The following CLSTN2 variants were observed in gnomAD, a reference collection of about 807,000 sequenced individuals.
CLSTN2 encodes the protein calsyntenin-2.
A neutral mutation model predicts 101.2 loss-of-function variants in CLSTN2; 48 were observed. The observed-to-expected ratio is 0.47, with a 90% CI of 0.38 to 0.60. The LOEUF (loss-of-function observed/expected upper bound fraction) is 0.60, where lower values mean the gene tolerates loss of function less well. CLSTN2 is among the 20% of genes least tolerant of loss of function. The probability of loss-of-function intolerance (pLI) is 0.00; values close to 1 mark genes in which losing one functional copy is unlikely to be tolerated. For synonymous variants in CLSTN2, 481 were observed against 463.6 expected (o/e 1.04, Z -0.48); for missense variants, 1,160 against 1,238.2 (o/e 0.94, Z 0.95).
chr3:140,445,071 C>T lies in CLSTN2; in HGVS notation c.788-3448C>T, dbSNP rs115283650. On this transcript the variant is annotated intron_variant, in intron 5 of 16. Transcript: ENST00000458420. The stretch of plus-strand genomic sequence containing the variant: ...CTATATGGTTGCAATTTTGCCTGCT[C>T]CTCATAAACCCTCAAAAACAAGCCT... Among the ~76,000 whole-genome samples the T allele has an allele frequency of 5.7e-3, 862 of 152,276 alleles. 7 individuals carry two copies. Among genetic ancestry groups the T allele is most frequent in the African/African-American group, 0.02 (826 of 41,564 alleles).
intron 1 of CLSTN2, among the ~76,000 whole-genome samples, chr3:140,171,791 A>AATATATATAATATTTATTATATAAT (rs34903884): frequency 9.4e-6 from 1 of 106,156 alleles, no homozygotes; most frequent in African/African-American, 3.9e-5. Flanking sequence ...TATAATATAT[A>AATATATATAATATTTATTATATAAT]ATATATAATA....
chr3:140,394,093 G>A (rs1338763303), intron 2 of CLSTN2, among the ~76,000 whole-genome samples: 1 of 152,100 alleles, frequency 6.6e-6, no homozygotes, highest in Admixed American at 6.5e-5. Flanking sequence ...CCTTTGTGCT[G>A]GCTTGCTCAT....
chr3:140,090,000 T>TA (rs1560091374), intron 1 of CLSTN2, among the ~76,000 whole-genome samples: 4 of 113,854 alleles, frequency 3.5e-5, no homozygotes, highest in African/African-American at 1.2e-4. Flanking sequence ...TTTTTTTTTT[T>TA]AACAGACTGA....
chr3:140,185,370 A>G (rs1446347812), intron 2 of CLSTN2, among the ~76,000 whole-genome samples: 2 of 152,176 alleles, frequency 1.3e-5, no homozygotes, highest in Non-Finnish European at 2.9e-5. Context: ...CTTTTTTTCT[A>G]TTGGAAGAAC....
intron 2 of CLSTN2, among the ~76,000 whole-genome samples, chr3:140,396,456 C>G (rs1305283872): frequency 6.6e-6 from 1 of 152,068 alleles, no homozygotes; most frequent in Non-Finnish European, 1.5e-5. Flanking sequence ...GACTTTTCTT[C>G]AATATAATAA....
chr3:140,459,969 A>G (rs1478933346), intron 7 of CLSTN2, among the ~76,000 whole-genome samples, 200 bp downstream of exon 7: 1 of 152,166 alleles, frequency 6.6e-6, no homozygotes, highest in Non-Finnish European at 1.5e-5. Flanking sequence ...GCAGGAGCAG[A>G]AAAGTGGGGA....
At chr3:140,288,473 T>C (rs2086918857) in intron 2 of CLSTN2, among the ~76,000 whole-genome samples, 1 of 152,108 alleles carries the variant, frequency 6.6e-6, no homozygotes, top group African/African-American at 2.4e-5. Flanking sequence ...CCCAGGTGTT[T>C]TAGAAAGAGT....
intron 1 of CLSTN2, among the ~76,000 whole-genome samples, chr3:140,037,525 T>C (rs978581402): frequency 2.6e-5 from 4 of 152,034 alleles, no homozygotes; most frequent in African/African-American, 2.4e-5. Context: ...TCTTTCTTTC[T>C]TTTTTCTTAT....
chr3:140,417,802 A>G (rs1384344363), intron 4 of CLSTN2, among the ~76,000 whole-genome samples: 1 of 152,262 alleles, frequency 6.6e-6, no homozygotes, highest in African/African-American at 2.4e-5. Flanking sequence ...TTATTGAAAT[A>G]TGACCTTCTC....
At chr3:140,362,992 G>A (rs574092814) in intron 2 of CLSTN2, among the ~76,000 whole-genome samples, 1 of 151,682 alleles carries the variant, frequency 6.6e-6, no homozygotes, top group Non-Finnish European at 1.5e-5. Context: ...ATCATCTAAG[G>A]ATATGAAAAA....
intron 1 of CLSTN2, among the ~76,000 whole-genome samples, chr3:140,167,620 G>A (rs1368338508): frequency 6.6e-6 from 1 of 152,156 alleles, no homozygotes; most frequent in Non-Finnish European, 1.5e-5. Flanking sequence ...AAACGCACAC[G>A]TGCAGAAGTG....
chr3:140,380,698 C>T (rs1479861), intron 2 of CLSTN2, among the ~76,000 whole-genome samples: 142,369 of 152,116 alleles, frequency 0.94, 67,335 homozygotes, highest in East Asian at 1. Flanking sequence ...TAACTCCTCA[C>T]TCATTCAGTA....
intron 2 of CLSTN2, among the ~76,000 whole-genome samples, chr3:140,294,198 G>C (rs1202311688): frequency 6.6e-6 from 1 of 152,132 alleles, no homozygotes; most frequent in African/African-American, 2.4e-5. Flanking sequence ...TAGCTTCTGC[G>C]AGCCTCAGCT....
At chr3:140,366,917 A>C (rs1482283447) in intron 2 of CLSTN2, among the ~76,000 whole-genome samples, 2 of 152,170 alleles carry the variant, frequency 1.3e-5, no homozygotes, top group Non-Finnish European at 2.9e-5. Flanking sequence ...CCCAGGGTAG[A>C]ACTAGCACCA....
At chr3:140,193,556 C>T (rs1029891117) in intron 2 of CLSTN2, among the ~76,000 whole-genome samples, 1 of 151,626 alleles carries the variant, frequency 6.6e-6, no homozygotes. Flanking sequence ...AGGTAAGGTA[C>T]CATTCTGGTT....
chr3:140,206,224 G>A (rs146924675), intron 2 of CLSTN2, among the ~76,000 whole-genome samples: 1 of 152,324 alleles, frequency 6.6e-6, no homozygotes, highest in Non-Finnish European at 1.5e-5. Flanking sequence ...AGTTAAGAGA[G>A]GCAGGATGCA....
chr3:140,042,672 C>A (rs1560077383), intron 1 of CLSTN2, among the ~76,000 whole-genome samples: 1 of 152,154 alleles, frequency 6.6e-6, no homozygotes, highest in African/African-American at 2.4e-5. Flanking sequence ...ATCCCTCCCT[C>A]CTCCCGCTAC....
chr3:140,566,203 G>A lies in CLSTN2; in HGVS notation c.2818G>A (p.Gly940Arg). Reference sequence around the variant, plus strand: ...GGGCAGAGGCAGACATGGGCAGAATGGAGCCAGGCAAGCCCAGCTGGAGTG... The same window carrying A: ...GGGCAGAGGCAGACATGGGCAGAATAGAGCCAGGCAAGCCCAGCTGGAGTG... Reference protein sequence around the residue: ...GMGRGRHGQNGARQAQLEWDD... With the variant: ...GMGRGRHGQNRARQAQLEWDD... Residue 940 changes from glycine (G) to arginine (R), a missense_variant, in exon 17 of 17, where the codon GGA becomes AGA. Gly to Arg is a moderately radical substitution (Grantham distance 125). Coordinates refer to ENST00000458420, the MANE Select transcript of CLSTN2 (RefSeq NM_022131.3). 1.2e-6 allele frequency: 2 copies of A among 1,601,474 alleles called. No homozygotes were observed. The highest frequency in any genetic ancestry group is 1.7e-6 in the Non-Finnish European group (2 of 1,173,644).
intron 5 of CLSTN2, among the ~76,000 whole-genome samples, chr3:140,427,561 T>C (rs347325): frequency 0.38 from 56,979 of 151,558 alleles, 11,603 homozygotes; most frequent in East Asian, 0.74. Context: ...GAGATGGAGA[T>C]TTGAGTCTCC....
Sources: gnomAD v4.1 joint callset for allele counts (sites outside exome capture counted in the v4.1 genomes callset) on GRCh38, gnomAD v4.1.1 for gene constraint, MANE v1.5 for transcripts, NCBI Gene and HGNC (gene_info 2026-07-23, HGNC 2026-07-21) for gene names.